The following KIF13A variants were observed in gnomAD, a reference collection of about 807,000 sequenced individuals.
The protein encoded by KIF13A is kinesin family member 13A, also known as kinesin-like protein KIF13A.
Under a neutral mutation model 212.2 loss-of-function variants are expected in KIF13A, and 79 were observed. The observed-to-expected ratio is 0.37, with a 90% CI of 0.31 to 0.45. The LOEUF is 0.45. Ranked by LOEUF, KIF13A falls within the 20% of genes least tolerant of loss-of-function variation. KIF13A has a pLI of 1.00. For missense variants in KIF13A, 1,901 were observed against 2,209.0 expected (o/e 0.86, Z 2.79); for synonymous variants, 789 against 808.6 (o/e 0.98, Z 0.41).
intron 2 of KIF13A, among the ~76,000 whole-genome samples, chr6:17,976,339 GGCAGCTAAGGCCC>G (rs1216663456): frequency 6.6e-6 from 1 of 152,246 alleles, no homozygotes. Flanking sequence ...CCCGCTGTAA[GGCAGCTAAGGCCC>G]GGCGAGAAAT....
intron 2 of KIF13A, among the ~76,000 whole-genome samples, chr6:17,962,791 ATC>A (rs1357912287): frequency 6.6e-6 from 1 of 151,792 alleles, no homozygotes; most frequent in Non-Finnish European, 1.5e-5. Flanking sequence ...AACACAGCCA[ATC>A]TACACCTTTC....
At chr6:17,774,120 G>C (rs1267423466) in intron 35 of KIF13A, among the ~76,000 whole-genome samples, 1 of 152,206 alleles carries the variant, frequency 6.6e-6, no homozygotes, top group Non-Finnish European at 1.5e-5. Flanking sequence ...TATCATACGA[G>C]CTTACTTAAT....
chr6:17,813,417 T>C (rs953484309), intron 17 of KIF13A, among the ~76,000 whole-genome samples: 3 of 151,898 alleles, frequency 2.0e-5, no homozygotes, highest in African/African-American at 7.3e-5. Flanking sequence ...GAGATGGAGG[T>C]TGCAGTGAGC....
rs777746220 is a variant in KIF13A at position 17,789,906 on chromosome 6, T to G, written c.3227A>C (p.Asp1076Ala). The change falls in exon 26 of 39, where the codon GAT becomes GCT. Residue 1076 changes from aspartate to alanine, a missense_variant. Physicochemically the swap from Asp to Ala is moderately radical, Grantham distance 126. Around this residue, in one of 5 missense-constraint regions of KIF13A, gnomAD observed 168 missense variants for 250.9 expected, o/e 0.67. Coordinates refer to ENST00000259711, the MANE Select transcript of KIF13A (RefSeq NM_022113.6). The surrounding 1 kb of genome is among the most constrained non-coding windows in gnomAD (Gnocchi z 4.8). ...LQRGLDSYQRDDEDGDDMDSY... is the reference protein window; with the variant it reads ...LQRGLDSYQRADEDGDDMDSY... ...ATCCATATCATCACCATCCTCATCA[T>G]CTCTCTGGTAGGAAAAAATAAACAC... 9 of 1,612,784 alleles carry G rather than the reference T, an allele frequency of 5.6e-6. No homozygotes were observed. The East Asian group carries it at 2.0e-4, about 36-fold the overall frequency.
At position 17,772,798 on chromosome 6, in the gene KIF13A, C is replaced by T. The variant is rs1393443191; in HGVS notation, c.4324+680G>A. ...AATTAATACTGTGTAAATTTTCTTG[C>T]GAGCCTCTTTTTTTCCCCCTCAGGC... is the stretch of plus-strand genomic sequence containing the variant. On this transcript the variant is annotated intron_variant, in intron 36 of 38. Transcript: ENST00000259711. This position sits in a 1 kb window ranked among gnomAD's most constrained non-coding sequence, Gnocchi z 4.8. 2.9e-5 allele frequency among the ~76,000 whole-genome samples: 4 copies of T among 138,454 alleles called. No homozygotes were observed. The East Asian group carries it at 8.0e-4, about 28-fold the overall frequency. The allele number at this position is 138,454 out of a possible 152,430, so 90.8% of individuals were successfully genotyped here. A position where few individuals can be genotyped will look rare whatever the true frequency, so the allele number is the denominator to read the frequency against.
intron 38 of KIF13A, among the ~76,000 whole-genome samples, chr6:17,767,255 A>AT (rs66600730): frequency 0.4 from 57,350 of 144,966 alleles, 11,313 homozygotes; most frequent in East Asian, 0.61. Flanking sequence ...CTCAAAATTA[A>AT]TTTTTTTTTT....
chr6:17,973,583 A>AAGT (rs1780010900), intron 2 of KIF13A, among the ~76,000 whole-genome samples: 1 of 152,176 alleles, frequency 6.6e-6, no homozygotes, highest in South Asian at 2.1e-4. Flanking sequence ...TCAACTCTCA[A>AAGT]AGTACCGTTG....
chr6:17,870,941 C>T (rs534475444), intron 4 of KIF13A, among the ~76,000 whole-genome samples: 2 of 152,246 alleles, frequency 1.3e-5, no homozygotes, highest in South Asian at 4.1e-4. Context: ...ATAGGTATTG[C>T]CATTTTTACT....
rs1759686390 is a variant in KIF13A at position 17,773,674 on chromosome 6, T to C, written c.4219-91A>G. The C allele has an allele frequency of 1.6e-6, 1 of 606,482 alleles. No individual in the cohort carries two copies. Among genetic ancestry groups the C allele is most frequent in the Admixed American group, 3.0e-5 (1 of 33,618 alleles). 37.6% of individuals were successfully genotyped at this position (606,482 alleles called of 1,614,324 possible). A position where few individuals can be genotyped will look rare whatever the true frequency, so the allele number is the denominator to read the frequency against. On this transcript the variant is annotated intron_variant, in intron 35 of 38. Transcript: ENST00000259711. This position sits in a 1 kb window ranked among gnomAD's most constrained non-coding sequence, Gnocchi z 4.2. ...TGGAGTTTCTTCTGTTTTTTTTTAA[T>C]GGCAGCATATGCTCTTCTTTATTTT... is the stretch of plus-strand genomic sequence containing the variant.
rs544583780 is a variant in KIF13A, at chr6:17,916,530, C to G, written c.147-18350G>C. Among the ~76,000 whole-genome samples, 32 of 152,328 alleles carry G rather than the reference C, an allele frequency of 2.1e-4. No individual in the cohort carries two copies. In the South Asian group the frequency reaches 2.5e-3, roughly 12 times the overall value. ...CCATGTCTGAATCGGTTTTTATTACCTGCATTCCACTTAACAGCATTTTAT... is the reference window on the plus strand; with the variant it reads ...CCATGTCTGAATCGGTTTTTATTACGTGCATTCCACTTAACAGCATTTTAT... On this transcript the variant is annotated intron_variant, in intron 2 of 38. Coordinates refer to ENST00000259711, the MANE Select transcript of KIF13A (RefSeq NM_022113.6).
At chr6:17,977,018 C>G (rs6942390) in intron 2 of KIF13A, among the ~76,000 whole-genome samples, 27,853 of 150,316 alleles carry the variant, frequency 0.19, 3,016 homozygotes, top group African/African-American at 0.3. Flanking sequence ...AGGAGAATGG[C>G]GTGAACCCGG....
rs1466072715 is a variant in KIF13A at position 17,833,893 on chromosome 6, CA to C, written c.1266+67del. Reference sequence around the variant, plus strand: ...AAAAAAGACTTTCTGAAGATGACAGCAAACTACACAGAAAAGACAATAAGTG... The same window carrying C: ...AAAAAAGACTTTCTGAAGATGACAGCAACTACACAGAAAAGACAATAAGTG... On this transcript the variant is annotated intron_variant, in intron 12 of 38. Transcript: ENST00000259711. 3.4e-5 allele frequency: 24 copies of C among 716,368 alleles called. No homozygotes were observed. In the East Asian group the frequency reaches 7.5e-4, roughly 22 times the overall value. The allele number at this position is 716,368 out of a possible 1,614,324, so 44.4% of individuals were successfully genotyped here.
chr6:17,781,507 T>C (rs6911957), intron 29 of KIF13A, among the ~76,000 whole-genome samples: 32,953 of 151,868 alleles, frequency 0.22, 3,741 homozygotes, highest in South Asian at 0.35. Context: ...TTATGTTTAA[T>C]AGAGATGAGG....
chr6:17,779,186 G>A, intron 32 of KIF13A, 87 bp from the exon 33 acceptor site: 5 of 995,194 alleles, frequency 5.0e-6, no homozygotes, highest in Non-Finnish European at 7.5e-6. Context: ...TAGAAGTCTG[G>A]AGAATGAACA....
chr6:17,821,457 A>G (rs1764423866), intron 16 of KIF13A, among the ~76,000 whole-genome samples: 1 of 152,176 alleles, frequency 6.6e-6, no homozygotes, highest in Non-Finnish European at 1.5e-5. Flanking sequence ...CAGCAGTAAT[A>G]ATACCAATAA....
At chr6:17,974,299 G>A (rs1384518546) in intron 2 of KIF13A, among the ~76,000 whole-genome samples, 2 of 152,052 alleles carry the variant, frequency 1.3e-5, no homozygotes, top group African/African-American at 4.8e-5. Flanking sequence ...AGGCTGGTCT[G>A]GAACTCCTGA....
rs374088011 is a variant in KIF13A at position 17,764,489 on chromosome 6, G to A, written c.5039C>T (p.Pro1680Leu). ...TTTCTCAGGGATGCTCTGGGATGAT[G>A]GGCTCCCTTTGGCTAAGGCACTGTT... ...KENSALAKGS[P>L]SSQSIPEKNS... is the part of the protein sequence containing the mutation. The change falls in exon 39 of 39, where the codon CCA becomes CTA. Residue 1680 changes from proline (P) to leucine (L), a missense_variant. Around this residue, in one of 5 missense-constraint regions of KIF13A, gnomAD observed 687 missense variants for 759.1 expected, o/e 0.90. Transcript: ENST00000259711. The surrounding 1 kb of genome is among the most constrained non-coding windows in gnomAD (Gnocchi z 5.1). 1 of 1,613,862 alleles carries A rather than the reference G, an allele frequency of 6.2e-7. No homozygotes were observed. The highest frequency in any genetic ancestry group is 1.3e-5 in the African/African-American group (1 of 74,906).
chr6:17,836,107 T>C (rs2150379036), intron 11 of KIF13A, among the ~76,000 whole-genome samples: 1 of 152,358 alleles, frequency 6.6e-6, no homozygotes, highest in East Asian at 1.9e-4. Flanking sequence ...TAGAAGAGTA[T>C]ATCATTATTA....
In KIF13A at chr6:17,837,076, G is replaced by GCC; in HGVS notation, c.955_956dup (p.Asn320AlafsTer7). 1 of 1,613,646 alleles carries GCC rather than the reference G, an allele frequency of 6.2e-7. No homozygotes were observed. The highest frequency in any genetic ancestry group is 2.2e-5 in the East Asian group (1 of 44,876). On this transcript the variant is annotated frameshift_variant, in exon 11 of 39. Transcript: ENST00000259711. LOFTEE classifies it high-confidence loss of function. This position sits in a 1 kb window ranked among gnomAD's most constrained non-coding sequence, Gnocchi z 5.4. The stretch of plus-strand genomic sequence containing the variant: ...TGGCTATCATAGAGGTTTGGCTGTT[G>GCC]CCCCCCAAGTTGTCCTGCCAAGTAT...
Sources: allele counts gnomAD v4.1 joint callset (sites outside exome capture counted in the v4.1 genomes callset), GRCh38; gene constraint gnomAD v4.1.1; regional missense constraint gnomAD v4.1.1; non-coding constraint Gnocchi (gnomAD v3.1); transcripts MANE v1.5; gene names NCBI Gene and HGNC (gene_info 2026-07-23, HGNC 2026-07-21).